Variants in LPCAT2 observed in about 807,000 individuals in gnomAD.
The protein encoded by LPCAT2 is lysophosphatidylcholine acyltransferase 2.
LPCAT2 carries 58 observed loss-of-function variants against 64.7 expected under a neutral mutation model. The ratio of observed to expected loss-of-function variants is 0.90; its 90% CI spans 0.73 to 1.12. LPCAT2 has a LOEUF of 1.12. Among genes scored for constraint, LPCAT2 ranks in the 50% most tolerant of loss-of-function variants. The pLI is 0.00. For synonymous variants in LPCAT2, 252 were observed against 245.3 expected, an observed-to-expected ratio of 1.03 and a Z score of -0.26; for missense variants, 579 against 669.8, an observed-to-expected ratio of 0.86 and a Z score of 1.50.
At chr16:55,531,363 G>A (rs1318318198) in intron 4 of LPCAT2, among the ~76,000 whole-genome samples, 1 of 152,018 alleles carries the variant, frequency 6.6e-6, no homozygotes, top group African/African-American at 2.4e-5. Context: ...ACATGAAGAA[G>A]TATGTTAAAA....
At chr16:55,580,401 A>G (rs1232324909) in intron 13 of LPCAT2, among the ~76,000 whole-genome samples, 4 of 152,228 alleles carry the variant, frequency 2.6e-5, no homozygotes, top group African/African-American at 9.6e-5. Context: ...ACTAGTTGGA[A>G]TAACTACTTC....
intron 10 of LPCAT2, among the ~76,000 whole-genome samples, chr16:55,549,871 G>T (rs1389842689): frequency 6.6e-6 from 1 of 151,976 alleles, no homozygotes; most frequent in Non-Finnish European, 1.5e-5. Context: ...TTAAAAAAAA[G>T]GCAAAAATCT....
intron 11 of LPCAT2, among the ~76,000 whole-genome samples, chr16:55,570,165 C>T (rs1227008944): frequency 6.6e-6 from 1 of 151,970 alleles, no homozygotes; most frequent in Non-Finnish European, 1.5e-5. Context: ...ATTTTATAAC[C>T]TATAAAAAAG....
At chr16:55,552,720 G>GT (rs150150065) in intron 11 of LPCAT2, among the ~76,000 whole-genome samples, 26 of 152,274 alleles carry the variant, frequency 1.7e-4, no homozygotes, top group African/African-American at 6.3e-4. Context: ...TAAACAATGT[G>GT]TATACCTTAA....
At chr16:55,527,219 A>G (rs1394961729) in intron 2 of LPCAT2, among the ~76,000 whole-genome samples, 1 of 152,094 alleles carries the variant, frequency 6.6e-6, no homozygotes, top group Non-Finnish European at 1.5e-5. Context: ...AATGTGGAGA[A>G]AATTAGATGA....
intron 1 of LPCAT2, among the ~76,000 whole-genome samples, chr16:55,514,137 T>C (rs1359552645): frequency 6.6e-6 from 1 of 151,932 alleles, no homozygotes; most frequent in African/African-American, 2.4e-5. Context: ...CCAAAAACCT[T>C]AAAAGAAAAG....
At chr16:55,573,946 G>T (rs1338408036) in intron 11 of LPCAT2, among the ~76,000 whole-genome samples, 2 of 152,044 alleles carry the variant, frequency 1.3e-5, no homozygotes, top group Non-Finnish European at 2.9e-5. Flanking sequence ...TCTGTATTTA[G>T]TCAGCCTGAA....
chr16:55,533,403 C>CA (rs1963279693), intron 6 of LPCAT2, among the ~76,000 whole-genome samples: 1 of 113,880 alleles, frequency 8.8e-6, no homozygotes, highest in Non-Finnish European at 1.8e-5. Context: ...TTTTGTTTTT[C>CA]GGGTTTTTTT....
At chr16:55,529,801 A>G in intron 3 of LPCAT2, 34 bp from the exon 4 acceptor site, 2 of 1,411,136 alleles carry the variant, frequency 1.4e-6, no homozygotes, top group South Asian at 1.3e-5. Context: ...TAGCCAAAAA[A>G]TGGCTTGCCT....
chr16:55,510,008 T>TTTTTTTTTTTTTTTTTCTTTG (rs1962906915), intron 1 of LPCAT2, among the ~76,000 whole-genome samples: 1 of 148,964 alleles, frequency 6.7e-6, no homozygotes, highest in Admixed American at 6.7e-5. Flanking sequence ...TTTTTTTTTT[T>TTTTTTTTTTTTTTTTTCTTTG]GCCTTAGGAA....
At chr16:55,563,564 T>A (rs1309917122) in intron 11 of LPCAT2, among the ~76,000 whole-genome samples, 3 of 151,962 alleles carry the variant, frequency 2.0e-5, no homozygotes, top group Non-Finnish European at 2.9e-5. Flanking sequence ...TGAAAATCAA[T>A]TAATGTAACA....
intron 11 of LPCAT2, among the ~76,000 whole-genome samples, chr16:55,573,888 T>C (rs1045037589): frequency 2.6e-5 from 4 of 152,122 alleles, no homozygotes; most frequent in African/African-American, 9.7e-5. Flanking sequence ...TCCATTTTCA[T>C]CTTCTTAGAG....
At chr16:55,521,983 T>C (rs1963103228) in intron 1 of LPCAT2, among the ~76,000 whole-genome samples, 1 of 150,866 alleles carries the variant, frequency 6.6e-6, no homozygotes, top group South Asian at 2.1e-4. Context: ...ACGCTAGGGA[T>C]CCTAGCCAGT....
intron 11 of LPCAT2, among the ~76,000 whole-genome samples, chr16:55,554,539 T>A (rs1963553528): frequency 6.6e-6 from 1 of 152,354 alleles, no homozygotes; most frequent in African/African-American, 2.4e-5. Context: ...CTTAACAAAA[T>A]GTTGTGGCTT....
chr16:55,518,752 C>T (rs1489740591), intron 1 of LPCAT2, among the ~76,000 whole-genome samples: 1 of 152,144 alleles, frequency 6.6e-6, no homozygotes, highest in East Asian at 1.9e-4. Flanking sequence ...TAGGTCCTTA[C>T]CTGACAGCAT....
chr16:55,541,706 T>G, intron 8 of LPCAT2: 1 of 347,310 alleles, frequency 2.9e-6, no homozygotes, highest in African/African-American at 2.2e-5. Context: ...TTTCTAAGCC[T>G]GCATTCTCAC....
Position 55,551,039 on chromosome 16 carries a change from C to T in LPCAT2, c.1152C>T (p.Phe384=), listed in dbSNP as rs550820236. 19 of 1,612,958 alleles carry T rather than the reference C, an allele frequency of 1.2e-5. No homozygotes were observed. The highest frequency in any genetic ancestry group is 6.6e-5 in the South Asian group (6 of 90,982). ...SKGGRIGIEE[F]AKYLKLPVSD... ...GAGGAAGAATTGGAATTGAAGAATT[C>T]GCCAAGTATTTAAAGTTGCCTGTTT... is the stretch of plus-strand genomic sequence containing the variant. Residue 384 remains phenylalanine, a synonymous_variant, in exon 11 of 14, where the codon TTC becomes TTT. Transcript: ENST00000262134.
At chr16:55,530,261 C>T (rs1963234230) in intron 4 of LPCAT2, among the ~76,000 whole-genome samples, 1 of 151,940 alleles carries the variant, frequency 6.6e-6, no homozygotes, top group African/African-American at 2.4e-5. Flanking sequence ...TAGGGGATAC[C>T]TTAGTATCTA....
In LPCAT2 at chr16:55,583,532, G is replaced by T. The variant is rs1177417447; in HGVS notation, c.*434G>T. 1.3e-5 allele frequency: 2 copies of T among 153,326 alleles called. No homozygotes were observed. Among genetic ancestry groups the T allele is most frequent in the African/African-American group, 4.8e-5 (2 of 41,418 alleles). The allele number at this position is 153,326 out of a possible 1,614,324, so 9.5% of individuals were successfully genotyped here. On this transcript the variant is annotated 3_prime_UTR_variant, in exon 14 of 14. Coordinates refer to ENST00000262134, the MANE Select transcript of LPCAT2 (RefSeq NM_017839.5). Reference sequence around the variant, plus strand: ...TGGGAAATAACAATGAAGAATCTGAGAATTTGACATCTATAACTTTACAGA... The same window carrying T: ...TGGGAAATAACAATGAAGAATCTGATAATTTGACATCTATAACTTTACAGA...
Sources: gnomAD v4.1 joint callset for allele counts (sites outside exome capture counted in the v4.1 genomes callset) on GRCh38, gnomAD v4.1.1 for gene constraint, MANE v1.5 for transcripts, NCBI Gene and HGNC (gene_info 2026-07-23, HGNC 2026-07-21) for gene names.